Variants in PCCA observed in about 807,000 individuals in gnomAD.
PCCA encodes propionyl-CoA carboxylase subunit alpha.
PCCA carries 74 observed loss-of-function variants against 101.3 expected under a neutral mutation model. The ratio of observed to expected loss-of-function variants is 0.73; its 90% CI spans 0.61 to 0.89. The LOEUF is 0.89. Ranked by LOEUF, PCCA falls within the 40% of genes least tolerant of loss-of-function variation. The pLI is 0.00. For missense variants in PCCA, 891 were observed against 907.0 expected (o/e 0.98, Z 0.23); for synonymous variants, 294 against 313.6 (o/e 0.94, Z 0.66).
chr13:100,438,719 C>T (rs1234809728), intron 20 of PCCA, among the ~76,000 whole-genome samples: 1 of 151,718 alleles, frequency 6.6e-6, no homozygotes, highest in Non-Finnish European at 1.5e-5. Context: ...ACGCTTCTGT[C>T]TGTAAGTTCC....
intron 21 of PCCA, among the ~76,000 whole-genome samples, chr13:100,458,184 A>G (rs1339376497): frequency 1.3e-5 from 2 of 151,974 alleles, no homozygotes; most frequent in Non-Finnish European, 2.9e-5. Context: ...AACTTTGTTT[A>G]AAAATTGTGG....
At chr13:100,399,420 A>G (rs1457525443) in intron 19 of PCCA, among the ~76,000 whole-genome samples, 1 of 152,214 alleles carries the variant, frequency 6.6e-6, no homozygotes, top group Non-Finnish European at 1.5e-5. Flanking sequence ...CCTCCTTAAA[A>G]GAAATATAAA....
In PCCA at chr13:100,205,272, A is replaced by G. The variant is rs181102303; in HGVS notation, c.469-4060A>G. Among the ~76,000 whole-genome samples the G allele has an allele frequency of 4.6e-3, 698 of 152,236 alleles. 9 individuals carry two copies. Among genetic ancestry groups the G allele is most frequent in the African/African-American group, 0.016 (669 of 41,542 alleles). On this transcript the variant is annotated intron_variant, in intron 6 of 23. Transcript: ENST00000376285. ...GTCAAGAACTGAAAACATTTGAAAC[A>G]TGCTCCATCACACTGCAGTTACCAT...
At position 100,245,433 on chromosome 13, in the gene PCCA, C is replaced by T. The variant is rs374656757; in HGVS notation, c.637+9555C>T. Among the ~76,000 whole-genome samples, 29 of 152,294 alleles carry T rather than the reference C, an allele frequency of 1.9e-4. No homozygotes were observed. The East Asian group carries it at 4.1e-3, about 21-fold the overall frequency. ...AGACCTCGACTATACCACATTTTTA[C>T]AGCCCCTCTCCTGTCACTTTAAACA... On this transcript the variant is annotated intron_variant, in intron 8 of 23. Coordinates refer to ENST00000376285, the MANE Select transcript of PCCA (RefSeq NM_000282.4).
chr13:100,330,061 G>C (rs370782294), intron 16 of PCCA, among the ~76,000 whole-genome samples: 2 of 152,060 alleles, frequency 1.3e-5, no homozygotes, highest in Non-Finnish European at 1.5e-5. Context: ...CTGACCTCTC[G>C]CCAACCAACC....
intron 7 of PCCA, among the ~76,000 whole-genome samples, chr13:100,227,526 G>A (rs1467834006): frequency 6.6e-6 from 1 of 152,172 alleles, no homozygotes; most frequent in African/African-American, 2.4e-5. Context: ...CTTAATGTGA[G>A]TTGTTTTGTA....
chr13:100,145,373 C>G (rs1248265903), intron 4 of PCCA, among the ~76,000 whole-genome samples: 1 of 152,096 alleles, frequency 6.6e-6, no homozygotes, highest in African/African-American at 2.4e-5. Flanking sequence ...CCTCAGGCCC[C>G]AGTAGTGACA....
At chr13:100,099,598 T>G (rs958889596) in intron 1 of PCCA, among the ~76,000 whole-genome samples, 3 of 152,106 alleles carry the variant, frequency 2.0e-5, no homozygotes, top group African/African-American at 7.2e-5. Context: ...ATTACAGGCG[T>G]GAGCCACTGT....
At chr13:100,267,630 A>G (rs1430645212) in intron 10 of PCCA, among the ~76,000 whole-genome samples, 1 of 152,176 alleles carries the variant, frequency 6.6e-6, no homozygotes, top group African/African-American at 2.4e-5. Flanking sequence ...CTGTAAACCT[A>G]ATATATGTAT....
chr13:100,419,995 A>G (rs2078640683), intron 19 of PCCA, among the ~76,000 whole-genome samples: 1 of 152,218 alleles, frequency 6.6e-6, no homozygotes, highest in African/African-American at 2.4e-5. Flanking sequence ...TGAAATACAG[A>G]GTTTTTTGCA....
intron 19 of PCCA, among the ~76,000 whole-genome samples, chr13:100,400,630 C>CTTTTT (rs1281449669): frequency 1.1e-5 from 1 of 90,974 alleles, no homozygotes; most frequent in African/African-American, 5.4e-5. Flanking sequence ...CTTTTTAGTT[C>CTTTTT]TTTTTTTTTT....
At chr13:100,478,433 T>C (rs533721916) in intron 21 of PCCA, among the ~76,000 whole-genome samples, 4 of 152,316 alleles carry the variant, frequency 2.6e-5, no homozygotes, top group African/African-American at 9.6e-5. Flanking sequence ...CTCTTCTTGA[T>C]GCTGGGCGGG....
At chr13:100,291,346 G>A (rs1012190301) in intron 12 of PCCA, among the ~76,000 whole-genome samples, 1 of 152,206 alleles carries the variant, frequency 6.6e-6, no homozygotes, top group Non-Finnish European at 1.5e-5. Context: ...CTTTATATCG[G>A]GGACCTGAGC....
At chr13:100,227,133 G>A (rs140790618) in intron 7 of PCCA, among the ~76,000 whole-genome samples, 245 of 152,164 alleles carry the variant, frequency 1.6e-3, no homozygotes, top group African/African-American at 5.6e-3. Flanking sequence ...CACCACGCCC[G>A]GCTAATTTTT....
intron 19 of PCCA, among the ~76,000 whole-genome samples, chr13:100,413,332 A>G (rs2078167833): frequency 6.6e-6 from 1 of 152,244 alleles, no homozygotes; most frequent in Non-Finnish European, 1.5e-5. Context: ...CAATAGATGT[A>G]TTCTGTGGTG....
chr13:100,135,742 T>A (rs1377531663), intron 4 of PCCA, among the ~76,000 whole-genome samples: 1 of 152,198 alleles, frequency 6.6e-6, no homozygotes, highest in Non-Finnish European at 1.5e-5. Context: ...ATTCCCAATC[T>A]TAGTGGAAAA....
chr13:100,446,466 C>T (rs938798793), intron 20 of PCCA, among the ~76,000 whole-genome samples: 2 of 152,168 alleles, frequency 1.3e-5, no homozygotes, highest in African/African-American at 2.4e-5. Context: ...ATGCATTTAT[C>T]GTATTGAATT....
intron 16 of PCCA, among the ~76,000 whole-genome samples, chr13:100,322,332 A>G (rs1368843918): frequency 6.6e-6 from 1 of 152,106 alleles, no homozygotes; most frequent in African/African-American, 2.4e-5. Context: ...TGTCATGCCT[A>G]CCTACAAGCT....
chr13:100,263,290 C>T (rs1193275181), intron 10 of PCCA, among the ~76,000 whole-genome samples: 1 of 152,036 alleles, frequency 6.6e-6, no homozygotes, highest in African/African-American at 2.4e-5. Flanking sequence ...TAAAATAAAA[C>T]GGGGAAGAAG....
Sources: allele counts gnomAD v4.1 joint callset (sites outside exome capture counted in the v4.1 genomes callset), GRCh38; gene constraint gnomAD v4.1.1; transcripts MANE v1.5; gene names NCBI Gene and HGNC (gene_info 2026-07-23, HGNC 2026-07-21).